The following TMEM74 variants were observed in gnomAD, a reference collection of about 807,000 sequenced individuals.
The protein encoded by TMEM74 is transmembrane protein 74.
TMEM74 carries 13 observed loss-of-function variants against 18.1 expected under a neutral mutation model. The ratio of observed to expected loss-of-function variants is 0.72; its 90% CI spans 0.47 to 1.14. The LOEUF (loss-of-function observed/expected upper bound fraction) is 1.14, where lower values mean the gene tolerates loss of function less well. TMEM74 is among the 50% of genes most tolerant of loss of function. The probability of loss-of-function intolerance (pLI) is 0.00; values close to 1 mark genes in which losing one functional copy is unlikely to be tolerated. For missense variants in TMEM74, 372 were observed against 375.9 expected (o/e 0.99, Z 0.09); for synonymous variants, 159 against 146.6 (o/e 1.08, Z -0.61).
intron 2 of TMEM74, among the ~76,000 whole-genome samples, chr8:108,625,888 G>C (rs1812488670): frequency 6.6e-6 from 1 of 151,890 alleles, no homozygotes; most frequent in East Asian, 1.9e-4. Context: ...TTAAATACAG[G>C]AACAGTATGT....
downstream of TMEM74, among the ~76,000 whole-genome samples, chr8:108,774,200 G>T (rs1223429256): frequency 6.6e-6 from 1 of 152,176 alleles, no homozygotes; most frequent in Non-Finnish European, 1.5e-5. Flanking sequence ...CTGGCTAGCT[G>T]TTCAAACCCA....
chr8:108,682,237 G>A lies in TMEM74; in HGVS notation n.120-26800C>T, dbSNP rs76172607. On this transcript the variant is annotated intron_variant and non_coding_transcript_variant, in intron 1 of 3. Transcript: ENST00000518838. ...TATCTTTTAATTTTTGAGCAATCCCGGATCATTCTCATCTCCAGGCTTTTG... is the reference window on the plus strand; with the variant it reads ...TATCTTTTAATTTTTGAGCAATCCCAGATCATTCTCATCTCCAGGCTTTTG... 4.6e-3 allele frequency among the ~76,000 whole-genome samples: 698 copies of A among 151,958 alleles called. 6 individuals are homozygous for A. The highest frequency in any genetic ancestry group is 5.4e-3 in the Non-Finnish European group (368 of 67,908).
At chr8:108,637,461 C>T (rs531880844) in intron 2 of TMEM74, among the ~76,000 whole-genome samples, 20 of 151,968 alleles carry the variant, frequency 1.3e-4, no homozygotes, top group African/African-American at 4.6e-4. Flanking sequence ...GAGATTATCC[C>T]GGATTATCTG....
At chr8:108,694,832 C>T (rs1348648199) in intron 1 of TMEM74, among the ~76,000 whole-genome samples, 2 of 152,156 alleles carry the variant, frequency 1.3e-5, no homozygotes, top group Admixed American at 1.3e-4. Flanking sequence ...ACATGATGCC[C>T]ACAGGCAGGT....
At chr8:108,657,873 T>TATATATATATATTAATTAC (rs1812856657) in intron 1 of TMEM74, among the ~76,000 whole-genome samples, 1 of 50,778 alleles carries the variant, frequency 2.0e-5, no homozygotes, top group Non-Finnish European at 3.4e-5. Flanking sequence ...TATATATATA[T>TATATATATATATTAATTAC]ATATATATAT....
At position 108,784,983 on chromosome 8, in the gene TMEM74, G is replaced by A; in HGVS notation, c.116C>T (p.Ala39Val). Residue 39 changes from alanine (A) to valine (V), a missense_variant, in exon 2 of 2, where the codon GCT becomes GTT. Ala to Val is a moderately conservative substitution (Grantham distance 64). Coordinates refer to ENST00000297459, the MANE Select transcript of TMEM74 (RefSeq NM_153015.3). ...DQADTAATRA[A>V]LCCQKQCAST... ...TGCACACTGTTTCTGACAGCAGAGA[G>A]CAGCTCTTGTGGCTGCTGTATCTGC... 1 of 1,614,140 alleles carries A rather than the reference G, an allele frequency of 6.2e-7. No individual in the cohort carries two copies. Among genetic ancestry groups the A allele is most frequent in the South Asian group, 1.1e-5 (1 of 91,078 alleles).
At chr8:108,718,561 CT>C (rs1213178423) in intron 1 of TMEM74, among the ~76,000 whole-genome samples, 1 of 152,048 alleles carries the variant, frequency 6.6e-6, no homozygotes, top group African/African-American at 2.4e-5. Context: ...GTGATAACAC[CT>C]GCTAGAAACA....
At chr8:108,626,206 A>G (rs1005537827) in intron 2 of TMEM74, among the ~76,000 whole-genome samples, 2 of 152,040 alleles carry the variant, frequency 1.3e-5, no homozygotes, top group African/African-American at 4.8e-5. Flanking sequence ...TTTCTAATAC[A>G]TTTATTTTCT....
intron 1 of TMEM74, among the ~76,000 whole-genome samples, chr8:108,699,672 T>TC (rs2130614236): frequency 6.6e-6 from 1 of 152,270 alleles, no homozygotes; most frequent in African/African-American, 2.4e-5. Context: ...TAATCAACAC[T>TC]CCCTTCTGCT....
At chr8:108,736,145 T>A (rs1813747857) in intron 1 of TMEM74, among the ~76,000 whole-genome samples, 1 of 152,062 alleles carries the variant, frequency 6.6e-6, no homozygotes, top group Admixed American at 6.6e-5. Context: ...AAAAACTGCA[T>A]GAAAAGACCC....
intron 1 of TMEM74, among the ~76,000 whole-genome samples, chr8:108,691,931 A>T (rs898496766): frequency 4.6e-5 from 7 of 152,008 alleles, no homozygotes; most frequent in East Asian, 1.9e-4. Flanking sequence ...GATTTTTTTT[A>T]AAACTCTCAA....
At chr8:108,762,212 A>T (rs1814052668) in intron 1 of TMEM74, among the ~76,000 whole-genome samples, 1 of 152,108 alleles carries the variant, frequency 6.6e-6, no homozygotes, top group African/African-American at 2.4e-5. Context: ...ATTGCACCTA[A>T]CTAACATTTC....
intron 1 of TMEM74, among the ~76,000 whole-genome samples, chr8:108,723,266 T>G (rs1282090418): frequency 6.6e-6 from 1 of 152,232 alleles, no homozygotes; most frequent in African/African-American, 2.4e-5. Flanking sequence ...TGTTAAATTC[T>G]GAAGCAGAAC....
intron 1 of TMEM74, among the ~76,000 whole-genome samples, chr8:108,699,205 C>CTCCG (rs1813313013): frequency 4.2e-5 from 6 of 142,436 alleles, no homozygotes; most frequent in Non-Finnish European, 9.2e-5. Context: ...CCCTCCCTCC[C>CTCCG]TCCCTCTCTC....
At chr8:108,719,936 T>C (rs1445515917) in intron 1 of TMEM74, among the ~76,000 whole-genome samples, 9 of 152,180 alleles carry the variant, frequency 5.9e-5, no homozygotes, top group Admixed American at 2.6e-4. Context: ...GAAAAGGCTA[T>C]TTAAAGTATA....
In TMEM74 at chr8:108,783,212, T is replaced by C. The variant is rs894459889; in HGVS notation, c.*969A>G. The stretch of plus-strand genomic sequence containing the variant: ...GCCTGCGAGGCACAGTCCCCAAAAG[T>C]CTAGCTGCAATTCTATTGGTGGTTT... On this transcript the variant is annotated 3_prime_UTR_variant, in exon 2 of 2. Coordinates refer to ENST00000297459, the MANE Select transcript of TMEM74 (RefSeq NM_153015.3). Among the ~76,000 whole-genome samples, 4 of 152,152 alleles carry C rather than the reference T, an allele frequency of 2.6e-5. No homozygotes were observed. The highest frequency in any genetic ancestry group is 9.7e-5 in the African/African-American group (4 of 41,424).
intron 3 of TMEM74, chr8:108,607,781 GA>G (rs1408125413): frequency 2.0e-5 from 3 of 152,232 alleles, no homozygotes; most frequent in Middle Eastern, 3.4e-3. Flanking sequence ...AAACAAGCAA[GA>G]AAATGGATTG....
chr8:108,691,924 T>A (rs192006139), intron 1 of TMEM74, among the ~76,000 whole-genome samples: 23 of 152,214 alleles, frequency 1.5e-4, no homozygotes, highest in African/African-American at 5.1e-4. Context: ...GGCAACAGAT[T>A]TTTTTTAAAA....
chr8:108,672,236 AT>A (rs2130590881), intron 1 of TMEM74, among the ~76,000 whole-genome samples: 1 of 152,242 alleles, frequency 6.6e-6, no homozygotes, highest in Admixed American at 6.5e-5. Context: ...GAGTGAACCC[AT>A]TTTTATGGGG....
Sources: allele counts gnomAD v4.1 joint callset (sites outside exome capture counted in the v4.1 genomes callset), GRCh38; gene constraint gnomAD v4.1.1; transcripts MANE v1.5; gene names NCBI Gene and HGNC (gene_info 2026-07-23, HGNC 2026-07-21).